Variants in CPLANE1 observed in about 807,000 individuals in gnomAD.
The protein encoded by CPLANE1 is ciliogenesis and planar polarity effector 1.
In CPLANE1, 263 loss-of-function variants were observed where a neutral mutation model predicts 362.5. The observed-to-expected ratio is 0.73, with a 90% CI of 0.66 to 0.80. CPLANE1 has a LOEUF of 0.80. CPLANE1 is among the 30% of genes least tolerant of loss of function. The pLI, the probability that CPLANE1 is intolerant of heterozygous loss-of-function variation, is 0.00. For missense variants in CPLANE1, 3,461 were observed against 3,793.4 expected (o/e 0.91, Z 2.30); for synonymous variants, 1,212 against 1,302.6 (o/e 0.93, Z 1.50).
At position 37,139,352 on chromosome 5, in the gene CPLANE1, T is replaced by C; in HGVS notation, c.8651A>G (p.Glu2884Gly). 1 of 1,263,556 alleles carries C rather than the reference T, an allele frequency of 7.9e-7. No individual in the cohort carries two copies. The highest frequency in any genetic ancestry group is 1.1e-6 in the Non-Finnish European group (1 of 911,468). 78.3% of individuals were successfully genotyped at this position (1,263,556 alleles called of 1,614,324 possible). The part of the protein sequence containing the change: ...TTSPGMNSSD[E>G]LCESVSVHPL... ...TTAAGATATTTACCTCTCACACAAT[T>C]CATCACTGCTATTCATACCTAAAAA... Residue 2884 changes from glutamate (E) to glycine (G), a missense_variant, in exon 45 of 53, where the codon GAA becomes GGA. Physicochemically the swap from Glu to Gly is moderately conservative, Grantham distance 98 (BLOSUM62 -2). Coordinates refer to ENST00000651892, the MANE Select transcript of CPLANE1 (RefSeq NM_001384732.1).
At chr5:37,108,157 T>G in intron 52 of CPLANE1, 136 bp downstream of exon 52, 1 of 816,158 alleles carries the variant, frequency 1.2e-6, no homozygotes, top group Non-Finnish European at 1.9e-6. Flanking sequence ...GCATCACGAT[T>G]TCAAACTGAC....
At chr5:37,148,734 T>C (rs983389539) in intron 42 of CPLANE1, among the ~76,000 whole-genome samples, 2 of 152,182 alleles carry the variant, frequency 1.3e-5, no homozygotes, top group African/African-American at 4.8e-5. Flanking sequence ...TACATTATAA[T>C]AATGTGAGAG....
intron 37 of CPLANE1, among the ~76,000 whole-genome samples, chr5:37,162,885 G>A (rs1222534433): frequency 3.3e-5 from 5 of 152,154 alleles, no homozygotes; most frequent in African/African-American, 4.8e-5. Context: ...TCGCCACGTT[G>A]GCCAGGCTGG....
intron 35 of CPLANE1, among the ~76,000 whole-genome samples, chr5:37,165,901 G>A (rs1365593476): frequency 6.6e-6 from 1 of 152,098 alleles, no homozygotes; most frequent in Non-Finnish European, 1.5e-5. Context: ...TTCTATATTA[G>A]TCACTGGAAT....
At chr5:37,152,360 G>A (rs1419359392) in intron 42 of CPLANE1, among the ~76,000 whole-genome samples, 2 of 151,978 alleles carry the variant, frequency 1.3e-5, no homozygotes, top group African/African-American at 4.8e-5. Flanking sequence ...TTTTTATGGA[G>A]ATGAGGTCTC....
chr5:37,078,715 A>T, the CPLANE1 span, among the ~76,000 whole-genome samples: 133 of 142,894 alleles, frequency 9.3e-4, 1 homozygote, highest in African/African-American at 3.1e-3. Context: ...AGCATCTGTT[A>T]TTTTTTTTTT....
intron 18 of CPLANE1, 133 bp downstream of exon 18, chr5:37,205,182 T>C (rs1023483881): frequency 1.7e-6 from 1 of 600,928 alleles, no homozygotes; most frequent in Non-Finnish European, 2.5e-6. Flanking sequence ...AAAATAAAAA[T>C]AAATATCATA....
chr5:37,131,125 T>C (rs1765660862), intron 46 of CPLANE1, among the ~76,000 whole-genome samples: 1 of 152,198 alleles, frequency 6.6e-6, no homozygotes, highest in Non-Finnish European at 1.5e-5. Context: ...TTTTGATAAC[T>C]TTCCTTTTAT....
chr5:37,116,549 G>A (rs1220720747), intron 50 of CPLANE1, among the ~76,000 whole-genome samples: 3 of 145,334 alleles, frequency 2.1e-5, no homozygotes, highest in African/African-American at 7.7e-5. Flanking sequence ...AGCCAGGGAG[G>A]TCAAGGTTGC....
chr5:37,238,104 G>A lies in CPLANE1; in HGVS notation c.938+753C>T, dbSNP rs139169791. The stretch of plus-strand genomic sequence containing the variant: ...GGATGAGGAAGGAATGACTGAGCCC[G>A]AGAGTTCAACGCTGCAGTGAGCTAT... On this transcript the variant is annotated intron_variant, in intron 8 of 52. Coordinates refer to ENST00000651892, the MANE Select transcript of CPLANE1 (RefSeq NM_001384732.1). Among the ~76,000 whole-genome samples, 13 of 152,238 alleles carry A rather than the reference G, an allele frequency of 8.5e-5. No individual in the cohort carries two copies. In the East Asian group the frequency reaches 1.7e-3, roughly 20 times the overall value.
Position 37,179,351 on chromosome 5 carries a change from ATTGAC to A in CPLANE1, c.5820+5_5820+9del. The A allele has an allele frequency of 6.5e-7, 1 of 1,543,934 alleles. No individual in the cohort carries two copies. The highest frequency in any genetic ancestry group is 8.9e-7 in the Non-Finnish European group (1 of 1,123,510). Reference sequence around the variant, plus strand: ...AGAAGAATAATTATATCCACTATTTATTGACTTACTTCTTCTAACTGCTGTGGTAA... The same window carrying A: ...AGAAGAATAATTATATCCACTATTTATTACTTCTTCTAACTGCTGTGGTAA... On this transcript the variant is annotated splice_donor_5th_base_variant and intron_variant, in intron 29 of 52. Transcript: ENST00000651892.
rs149781800 is a variant in CPLANE1, at chr5:37,165,605, A to C, written c.7467T>G (p.Asn2489Lys). Reference protein sequence around the residue: ...KRCEKLRRKPNVTFRPENSII... With the variant: ...KRCEKLRRKPKVTFRPENSII... ...TGGAATTCTCTGGTCGAAAAGTCAC[A>C]TTTGGTTTTCTCCTCAGTTTCTCAC... The change falls in exon 36 of 53, where the codon AAT becomes AAG. Residue 2489 changes from asparagine (N) to lysine (K), a missense_variant. Around this residue, in one of 2 missense-constraint regions of CPLANE1, gnomAD observed 3,380 missense variants for 3,666.1 expected, o/e 0.92. Coordinates refer to ENST00000651892, the MANE Select transcript of CPLANE1 (RefSeq NM_001384732.1). 6.2e-7 allele frequency: 1 copy of C among 1,611,772 alleles called. No homozygotes were observed. Among genetic ancestry groups the C allele is most frequent in the Non-Finnish European group, 8.5e-7 (1 of 1,179,386 alleles).
intron 16 of CPLANE1, among the ~76,000 whole-genome samples, chr5:37,212,815 ATC>A: frequency 6.6e-6 from 1 of 152,274 alleles, no homozygotes; most frequent in Admixed American, 6.5e-5. Context: ...TATTTATTAA[ATC>A]TCTACATTTT....
At position 37,107,220 on chromosome 5, in the gene CPLANE1, T is replaced by TC; in HGVS notation, c.*381dup. ...TTCTCAATGAAAAGATTTTTTTTTT[T>TC]CCTATTAGATTCATCTGTATATGGT... On this transcript the variant is annotated 3_prime_UTR_variant, in exon 53 of 53. Transcript: ENST00000651892. 1.0e-6 allele frequency: 1 copy of TC among 992,446 alleles called. No individual in the cohort carries two copies. Among genetic ancestry groups the TC allele is most frequent in the East Asian group, 1.1e-4 (1 of 9,358 alleles). 61.5% of individuals were successfully genotyped at this position (992,446 alleles called of 1,614,324 possible). A position where few individuals can be genotyped will look rare whatever the true frequency, so the allele number is the denominator to read the frequency against.
intron 36 of CPLANE1, 44 bp from the exon 37 acceptor site, chr5:37,164,371 T>C: frequency 1.4e-6 from 2 of 1,467,566 alleles, no homozygotes; most frequent in Non-Finnish European, 1.9e-6. Context: ...AACTCAAAGA[T>C]GTGTATTATT....
chr5:37,120,087 C>T lies in CPLANE1; in HGVS notation c.9310+129G>A, dbSNP rs1762212643. On this transcript the variant is annotated intron_variant, in intron 50 of 52. Coordinates refer to ENST00000651892, the MANE Select transcript of CPLANE1 (RefSeq NM_001384732.1). ...ATTACAGCTAAGTCTTTATCAATGCCTCGCCTTCTGTTCAAATCAGAACTC... is the reference window on the plus strand; with the variant it reads ...ATTACAGCTAAGTCTTTATCAATGCTTCGCCTTCTGTTCAAATCAGAACTC... The T allele has an allele frequency of 1.2e-5, 11 of 907,356 alleles. 1 individual carries two copies. The South Asian group carries it at 1.9e-4, about 16-fold the overall frequency. The allele number at this position is 907,356 out of a possible 1,614,324, so 56.2% of individuals were successfully genotyped here. A position where few individuals can be genotyped will look rare whatever the true frequency, so the allele number is the denominator to read the frequency against.
chr5:37,101,363 G>A (rs966765637), downstream of CPLANE1, among the ~76,000 whole-genome samples: 1 of 152,118 alleles, frequency 6.6e-6, no homozygotes, highest in Non-Finnish European at 1.5e-5. Flanking sequence ...AGATAATCAT[G>A]TGGTTTGTCT....
At position 37,187,415 on chromosome 5, in the gene CPLANE1, T is replaced by TTTC; in HGVS notation, c.4076_4078dup (p.Arg1359dup). 1.2e-6 allele frequency: 2 copies of TTTC among 1,609,268 alleles called. No homozygotes were observed. Among genetic ancestry groups the TTTC allele is most frequent in the Non-Finnish European group, 1.7e-6 (2 of 1,178,386 alleles). On this transcript the variant is annotated inframe_insertion and splice_region_variant, in exon 23 of 53. Transcript: ENST00000651892. ...TACTTTCACCTACAAGCACATTACC[T>TTTC]TTCTGATTGGTGGCAGTTCTCCAAT...
rs575791531 is a variant in CPLANE1 at position 37,174,002 on chromosome 5, T to C, written c.5979-55A>G. Reference sequence around the variant, plus strand: ...TGCATTAAAATTGACAAAAAACAAATTGAATGTCTATGATCAGAATATTTT... The same window carrying C: ...TGCATTAAAATTGACAAAAAACAAACTGAATGTCTATGATCAGAATATTTT... On this transcript the variant is annotated intron_variant, in intron 31 of 52. Transcript: ENST00000651892. 8.6e-5 allele frequency: 121 copies of C among 1,399,006 alleles called. No homozygotes were observed. In the African/African-American group the frequency reaches 1.5e-3, roughly 17 times the overall value. The allele number at this position is 1,399,006 out of a possible 1,614,324, so 86.7% of individuals were successfully genotyped here.
Sources: allele counts gnomAD v4.1 joint callset (sites outside exome capture counted in the v4.1 genomes callset), GRCh38; gene constraint gnomAD v4.1.1; regional missense constraint gnomAD v4.1.1; transcripts MANE v1.5; gene names NCBI Gene and HGNC (gene_info 2026-07-23, HGNC 2026-07-21).